The following PIGL variants were observed in gnomAD, a reference collection of about 807,000 sequenced individuals.
The protein encoded by PIGL is N-acetylglucosaminyl-phosphatidylinositol de-N-acetylase.
In PIGL, 22 loss-of-function variants were observed where a neutral mutation model predicts 31.1. That is an observed-to-expected ratio of 0.71 (90% CI 0.51 to 1.01). The LOEUF (loss-of-function observed/expected upper bound fraction) is 1.01. Among genes scored for constraint, PIGL ranks in the 50% least tolerant of loss-of-function variants. The pLI is 0.00. For synonymous variants in PIGL, 131 were observed against 117.4 expected (o/e 1.12, Z -0.75); for missense variants, 302 against 315.9 (o/e 0.96, Z 0.33).
At chr17:16,288,703 C>A (rs2092948401) in intron 2 of PIGL, among the ~76,000 whole-genome samples, 1 of 151,876 alleles carries the variant, frequency 6.6e-6, no homozygotes, top group South Asian at 2.1e-4. Flanking sequence ...CTGTGCCCGG[C>A]TAATTTTGTA....
At chr17:16,290,593 C>T (rs1252113758) in intron 2 of PIGL, among the ~76,000 whole-genome samples, 2 of 152,022 alleles carry the variant, frequency 1.3e-5, no homozygotes, top group African/African-American at 4.8e-5. Context: ...AGATGTAGCT[C>T]AGAATGGTCT....
intron 6 of PIGL, among the ~76,000 whole-genome samples, chr17:16,319,783 A>G (rs1410739748): frequency 6.6e-6 from 1 of 150,598 alleles, no homozygotes; most frequent in Non-Finnish European, 1.5e-5. Flanking sequence ...AGCCCAGGGC[A>G]GACTGCAAGA....
At chr17:16,266,637 C>T (rs1368256617) in intron 2 of PIGL, among the ~76,000 whole-genome samples, 5 of 151,688 alleles carry the variant, frequency 3.3e-5, no homozygotes, top group Admixed American at 3.3e-4. Flanking sequence ...GCTCTGTTGC[C>T]CAAGGTGGAG....
intron 1 of PIGL, among the ~76,000 whole-genome samples, chr17:16,218,943 T>C (rs1003189203): frequency 6.6e-6 from 1 of 152,160 alleles, no homozygotes; most frequent in African/African-American, 2.4e-5. Context: ...CCTCCCAAAG[T>C]GCTTGGGATT....
chr17:16,258,720 C>T (rs543203148), intron 2 of PIGL, among the ~76,000 whole-genome samples: 3 of 152,116 alleles, frequency 2.0e-5, no homozygotes, highest in South Asian at 4.1e-4. Context: ...AGGCTGGTCT[C>T]GTACTCCTGA....
intron 2 of PIGL, among the ~76,000 whole-genome samples, chr17:16,270,600 AAACTT>A (rs1433705991): frequency 6.6e-6 from 1 of 152,018 alleles, no homozygotes; most frequent in Non-Finnish European, 1.5e-5. Context: ...TTACCCATGA[AAACTT>A]AAGTAGTCAG....
At chr17:16,258,125 AAG>A (rs1205962442) in intron 2 of PIGL, among the ~76,000 whole-genome samples, 57 of 90,012 alleles carry the variant, frequency 6.3e-4, no homozygotes, top group Non-Finnish European at 1.1e-3. Flanking sequence ...GAGAGAGAGA[AAG>A]AGAGAGAGAG....
chr17:16,268,802 G>T (rs1173278285), intron 2 of PIGL, among the ~76,000 whole-genome samples: 1 of 150,958 alleles, frequency 6.6e-6, no homozygotes, highest in Non-Finnish European at 1.5e-5. Flanking sequence ...TTGTTCTGTC[G>T]CCCAGGCTGG....
intron 2 of PIGL, among the ~76,000 whole-genome samples, chr17:16,266,649 G>T (rs1381293322): frequency 6.6e-6 from 1 of 151,736 alleles, no homozygotes; most frequent in Admixed American, 6.6e-5. Context: ...AAGGTGGAGT[G>T]CAGTGGCGCT....
intron 2 of PIGL, among the ~76,000 whole-genome samples, chr17:16,289,245 G>A (rs2092950629): frequency 6.6e-6 from 1 of 152,232 alleles, no homozygotes; most frequent in African/African-American, 2.4e-5. Context: ...TCTGAGCTGA[G>A]AGGGCCAGGT....
At chr17:16,222,186 G>C (rs181047812) in intron 1 of PIGL, among the ~76,000 whole-genome samples, 2 of 152,218 alleles carry the variant, frequency 1.3e-5, no homozygotes, top group East Asian at 1.9e-4. Context: ...ATGATGTTTT[G>C]ATGGAGAAAG....
At chr17:16,279,450 T>C (rs140664837) in intron 2 of PIGL, among the ~76,000 whole-genome samples, 1 of 152,380 alleles carries the variant, frequency 6.6e-6, no homozygotes, top group African/African-American at 2.4e-5. Flanking sequence ...AGAGATATTT[T>C]GCCTGCAAGG....
At chr17:16,245,235 C>G (rs912094473) in intron 2 of PIGL, among the ~76,000 whole-genome samples, 1 of 152,028 alleles carries the variant, frequency 6.6e-6, no homozygotes, top group African/African-American at 2.4e-5. Context: ...TCGTGATCCA[C>G]CCGCCTCGGC....
chr17:16,317,093 C>T (rs1044898794), intron 5 of PIGL: 11 of 1,061,530 alleles, frequency 1.0e-5, no homozygotes, highest in Non-Finnish European at 1.1e-5. Context: ...AGGAACTCTT[C>T]CTAACCCACA....
chr17:16,271,579 TG>T (rs1326197240), intron 2 of PIGL, among the ~76,000 whole-genome samples: 3 of 152,192 alleles, frequency 2.0e-5, no homozygotes, highest in Non-Finnish European at 1.5e-5. Flanking sequence ...TCGCCCATGC[TG>T]GAGTGCAGTG....
chr17:16,307,446 G>C (rs1912357563), intron 3 of PIGL, among the ~76,000 whole-genome samples: 1 of 152,216 alleles, frequency 6.6e-6, no homozygotes, highest in Admixed American at 6.5e-5. Flanking sequence ...CGCTGGGTGG[G>C]AGAGGGCAAC....
chr17:16,270,060 G>A (rs1324112675), intron 2 of PIGL, among the ~76,000 whole-genome samples: 1 of 152,028 alleles, frequency 6.6e-6, no homozygotes, highest in Non-Finnish European at 1.5e-5. Context: ...GCCGAGGCGG[G>A]CAGATCACCT....
intron 2 of PIGL, among the ~76,000 whole-genome samples, chr17:16,238,304 A>G (rs1199297827): frequency 1.3e-5 from 2 of 151,986 alleles, no homozygotes; most frequent in Non-Finnish European, 2.9e-5. Context: ...TAAATACAAT[A>G]TGACTGATTA....
At chr17:16,304,856 G>A (rs751635581) in intron 3 of PIGL, among the ~76,000 whole-genome samples, 44 of 152,216 alleles carry the variant, frequency 2.9e-4, no homozygotes, top group Non-Finnish European at 5.3e-4. Context: ...GGATGTGTCA[G>A]TACAGCACTA....
Sources: allele counts gnomAD v4.1 joint callset (sites outside exome capture counted in the v4.1 genomes callset), GRCh38; gene constraint gnomAD v4.1.1; transcripts MANE v1.5; gene names NCBI Gene and HGNC (gene_info 2026-07-23, HGNC 2026-07-21).